The following CDNF variants were observed in gnomAD, a reference collection of about 807,000 sequenced individuals.
CDNF encodes ARMET-like protein 1.
A neutral mutation model predicts 14.8 loss-of-function variants in CDNF; 9 were observed. The ratio of observed to expected loss-of-function variants is 0.61; its 90% CI spans 0.37 to 1.06. CDNF has a LOEUF of 1.06. Ranked by LOEUF, CDNF falls within the 50% of genes least tolerant of loss-of-function variation. The pLI, the probability that CDNF is intolerant of heterozygous loss-of-function variation, is 0.01. For missense variants in CDNF, 228 were observed against 228.4 expected (o/e 1.00, Z 0.01); for synonymous variants, 86 against 87.2 (o/e 0.99, Z 0.07).
rs1167866229 is a variant in CDNF at position 14,825,999 on chromosome 10, CAGAAGA to C, written c.244-385_244-380del. On this transcript the variant is annotated intron_variant, in intron 2 of 3. Transcript: ENST00000465530. ...GAAGAAGAAGGAGAAGAAGAAGCAG[CAGAAGA>C]AGCAGAAGCAGAAGAAGAAGAAGGA... Among the ~76,000 whole-genome samples the C allele has an allele frequency of 4.3e-3, 459 of 106,024 alleles. 6 individuals are homozygous for C. Among genetic ancestry groups the C allele is most frequent in the African/African-American group, 0.021 (430 of 20,518 alleles). The allele number at this position is 106,024 out of a possible 152,430, so 69.6% of individuals were successfully genotyped here.
rs181331747 is a variant in CDNF at position 14,829,867 on chromosome 10, T to C, written c.116-1595A>G. 1.3e-3 allele frequency among the ~76,000 whole-genome samples: 203 copies of C among 152,298 alleles called. 4 individuals carry two copies. The East Asian group carries it at 0.031, about 24-fold the overall frequency. ...CTGGTCTCAAACTCCTGACCTCAAG[T>C]GATCTGCCCATCTCGGCCTCCCAAA... On this transcript the variant is annotated intron_variant, in intron 1 of 3. Coordinates refer to ENST00000465530, the MANE Select transcript of CDNF (RefSeq NM_001029954.3).
Position 14,826,011 on chromosome 10 carries a change from AAGCAGAAGAAGAAGAAGG to A in CDNF, c.244-409_244-392del, listed in dbSNP as rs1564313200. Among the ~76,000 whole-genome samples the A allele has an allele frequency of 4.1e-4, 54 of 130,758 alleles. 1 individual carries two copies. Among genetic ancestry groups the A allele is most frequent in the African/African-American group, 1.7e-3 (49 of 28,502 alleles). 85.8% of individuals were successfully genotyped at this position (130,758 alleles called of 152,430 possible). ...GAAGAAGAAGCAGCAGAAGAAGCAG[AAGCAGAAGAAGAAGAAGG>A]AGAAGAAGAAGAAGAAGAAGAAGAA... On this transcript the variant is annotated intron_variant, in intron 2 of 3. Coordinates refer to ENST00000465530, the MANE Select transcript of CDNF (RefSeq NM_001029954.3).
chr10:14,821,889 T>C (rs1424024696), intron 3 of CDNF, among the ~76,000 whole-genome samples: 1 of 152,190 alleles, frequency 6.6e-6, no homozygotes, highest in African/African-American at 2.4e-5. Flanking sequence ...CCATAGATTG[T>C]AATTAACCAG....
At chr10:14,826,119 C>CAGCAGCAGA (rs1564313519) in intron 2 of CDNF, among the ~76,000 whole-genome samples, 2,615 of 117,852 alleles carry the variant, frequency 0.022, 107 homozygotes, top group South Asian at 0.034. Flanking sequence ...GCAGCAGCAG[C>CAGCAGCAGA]AGCAGAAGCA....
chr10:14,832,255 G>T (rs146022680), intron 1 of CDNF, among the ~76,000 whole-genome samples: 14 of 152,346 alleles, frequency 9.2e-5, no homozygotes, highest in African/African-American at 3.1e-4. Flanking sequence ...GGAACAGCAA[G>T]TACCAAGGCT....
chr10:14,823,080 C>T (rs560805201), intron 3 of CDNF, among the ~76,000 whole-genome samples: 1 of 151,758 alleles, frequency 6.6e-6, no homozygotes, highest in African/African-American at 2.4e-5. Context: ...AATTATTAAT[C>T]TCCCACAGCA....
chr10:14,837,559 C>A (rs1256943946), intron 1 of CDNF, among the ~76,000 whole-genome samples: 1 of 152,244 alleles, frequency 6.6e-6, no homozygotes, highest in Non-Finnish European at 1.5e-5. Context: ...ATCTAGCATT[C>A]TTTGCACAAA....
In CDNF at chr10:14,837,920, C is replaced by A; in HGVS notation, c.27G>T (p.Val9=). The change falls in exon 1 of 4, where the codon GTG becomes GTT. Residue 9 remains valine, a synonymous_variant. Coordinates refer to ENST00000465530, the MANE Select transcript of CDNF (RefSeq NM_001029954.3). ...CCAAAAGCCCGGCGCAAAAGGCCACCACAGCAACTGGGCTCGCGCACCACA... is the reference window on the plus strand; with the variant it reads ...CCAAAAGCCCGGCGCAAAAGGCCACAACAGCAACTGGGCTCGCGCACCACA... MWCASPVA[V]VAFCAGLLVS... 1 of 1,605,746 alleles carries A rather than the reference C, an allele frequency of 6.2e-7. No individual in the cohort carries two copies.
intron 1 of CDNF, among the ~76,000 whole-genome samples, chr10:14,833,937 C>T (rs1833865763): frequency 6.6e-6 from 1 of 152,126 alleles, no homozygotes; most frequent in African/African-American, 2.4e-5. Context: ...CTATATTACA[C>T]GTGGAAAATG....
intron 1 of CDNF, among the ~76,000 whole-genome samples, chr10:14,834,668 G>A (rs982035121): frequency 6.6e-6 from 1 of 152,174 alleles, no homozygotes; most frequent in Non-Finnish European, 1.5e-5. Flanking sequence ...TATGGTAGCT[G>A]CTGGACATGA....
At position 14,819,884 on chromosome 10, in the gene CDNF, A is replaced by G. The variant is rs1833722688; in HGVS notation, c.*96T>C. On this transcript the variant is annotated 3_prime_UTR_variant, in exon 4 of 4. Coordinates refer to ENST00000465530, the MANE Select transcript of CDNF (RefSeq NM_001029954.3). Reference sequence around the variant, plus strand: ...CAACACAAAAAGCATGAGACCAAATATGATGCATTCCCAGTTATCCTTAAT... The same window carrying G: ...CAACACAAAAAGCATGAGACCAAATGTGATGCATTCCCAGTTATCCTTAAT... 4 of 1,236,452 alleles carry G rather than the reference A, an allele frequency of 3.2e-6. No individual in the cohort carries two copies. Among genetic ancestry groups the G allele is most frequent in the Non-Finnish European group, 3.4e-6 (3 of 886,266 alleles). 76.6% of individuals were successfully genotyped at this position (1,236,452 alleles called of 1,614,324 possible).
intron 2 of CDNF, 26 bp from the exon 3 acceptor site, chr10:14,825,646 T>A: frequency 1.2e-6 from 2 of 1,609,730 alleles, no homozygotes; most frequent in Non-Finnish European, 1.7e-6. Flanking sequence ...GAGAATTGAG[T>A]GTTCCAGACA....
At chr10:14,833,391 C>T (rs891002896) in intron 1 of CDNF, among the ~76,000 whole-genome samples, 5 of 152,154 alleles carry the variant, frequency 3.3e-5, no homozygotes, top group South Asian at 4.1e-4. Context: ...AGACTTCCTT[C>T]GTACCACAGG....
rs1337728725 is a variant in CDNF, at chr10:14,825,459, A to G, written c.385+20T>C. On this transcript the variant is annotated intron_variant, in intron 3 of 3. Coordinates refer to ENST00000465530, the MANE Select transcript of CDNF (RefSeq NM_001029954.3). Reference sequence around the variant, plus strand: ...GGAATCCATTGGACCTACTGGGAAAAACACGGGGCTGTGTTATACCATATT... The same window carrying G: ...GGAATCCATTGGACCTACTGGGAAAGACACGGGGCTGTGTTATACCATATT... 2 of 1,606,542 alleles carry G rather than the reference A, an allele frequency of 1.2e-6. No homozygotes were observed. Among genetic ancestry groups the G allele is most frequent in the Non-Finnish European group, 1.7e-6 (2 of 1,175,458 alleles).
intron 2 of CDNF, among the ~76,000 whole-genome samples, chr10:14,826,146 AAGG>A (rs1304704451): frequency 1.4e-5 from 2 of 147,604 alleles, no homozygotes; most frequent in African/African-American, 2.6e-5. Context: ...GGAGAAGGAG[AAGG>A]AGAAGAAGAA....
rs529775519 is a variant in CDNF, at chr10:14,825,984, GAGA to G, written c.244-367_244-365del. ...AGAAGAAGAAGAAAAGAAGAAGAAG[GAGA>G]AGAAGAAGCAGCAGAAGAAGCAGAA... is the stretch of plus-strand genomic sequence containing the variant. On this transcript the variant is annotated intron_variant, in intron 2 of 3. Transcript: ENST00000465530. Among the ~76,000 whole-genome samples, 23 of 139,204 alleles carry G rather than the reference GAGA, an allele frequency of 1.7e-4. No individual in the cohort carries two copies. The East Asian group carries it at 4.8e-3, about 29-fold the overall frequency. The allele number at this position is 139,204 out of a possible 152,430, so 91.3% of individuals were successfully genotyped here.
rs147675770 is a variant in CDNF at position 14,819,799 on chromosome 10, G to A, written c.*181C>T. The stretch of plus-strand genomic sequence containing the variant: ...AGCTTTTGGTACACTGCAAATGTAA[G>A]TTATCAGTAGTATTAGTTTCACTCA... On this transcript the variant is annotated 3_prime_UTR_variant, in exon 4 of 4. Coordinates refer to ENST00000465530, the MANE Select transcript of CDNF (RefSeq NM_001029954.3). The A allele has an allele frequency of 6.8e-4, 387 of 567,776 alleles. 6 individuals are homozygous for A. The East Asian group carries it at 0.011, about 16-fold the overall frequency. The allele number at this position is 567,776 out of a possible 1,614,324, so 35.2% of individuals were successfully genotyped here.
chr10:14,831,161 T>C (rs897059541), intron 1 of CDNF, among the ~76,000 whole-genome samples: 1 of 152,176 alleles, frequency 6.6e-6, no homozygotes, highest in African/African-American at 2.4e-5. Context: ...TTTGGGGCCC[T>C]GAATTAGTTG....
intron 3 of CDNF, among the ~76,000 whole-genome samples, chr10:14,823,429 T>G (rs568930091): frequency 3.4e-4 from 52 of 152,352 alleles, no homozygotes; most frequent in Admixed American, 7.8e-4. Context: ...TAAGGAGCCC[T>G]GTAAGATCCC....
Sources: gnomAD v4.1 joint callset for allele counts (sites outside exome capture counted in the v4.1 genomes callset) on GRCh38, gnomAD v4.1.1 for gene constraint, MANE v1.5 for transcripts, NCBI Gene and HGNC (gene_info 2026-07-23, HGNC 2026-07-21) for gene names.